ZNF248: variants seen among roughly 807,000 people sequenced by gnomAD.
The protein encoded by ZNF248 is KRAB protein domain.
ZNF248 carries 20 observed loss-of-function variants against 44.3 expected under a neutral mutation model. The observed-to-expected ratio is 0.45, with a 90% confidence interval of 0.32 to 0.66. The LOEUF is 0.66. ZNF248 is among the 30% of genes least tolerant of loss of function. ZNF248 has a pLI of 0.04. For missense variants in ZNF248, 654 were observed against 677.0 expected (o/e 0.97, Z 0.38); for synonymous variants, 224 against 229.0 (o/e 0.98, Z 0.20).
At chr10:37,817,938 C>T (rs886797578) in intron 6 of ZNF248, among the ~76,000 whole-genome samples, 6 of 151,840 alleles carry the variant, frequency 4.0e-5, no homozygotes, top group African/African-American at 9.7e-5. Flanking sequence ...ATTTTTGAGA[C>T]GGAGTGTCAC....
chr10:37,846,749 T>C (rs903186601), intron 3 of ZNF248, among the ~76,000 whole-genome samples: 16 of 152,080 alleles, frequency 1.1e-4, no homozygotes, highest in Non-Finnish European at 1.8e-4. Flanking sequence ...AACATAAGCA[T>C]CAATCAGGAT....
At chr10:37,828,208 T>C (rs2054696908), downstream of ZNF248, among the ~76,000 whole-genome samples, 1 of 152,236 alleles carries the variant, frequency 6.6e-6, no homozygotes, top group South Asian at 2.1e-4. Context: ...TACACACATG[T>C]GAACACACTC....
the ZNF248 span, among the ~76,000 whole-genome samples, chr10:37,768,460 A>T: frequency 6.6e-6 from 1 of 152,366 alleles, no homozygotes; most frequent in East Asian, 1.9e-4. Context: ...ACTCAGGACT[A>T]AGAAACTCAC....
At chr10:37,824,775 C>T (rs1380038795), downstream of ZNF248, among the ~76,000 whole-genome samples, 5 of 143,872 alleles carry the variant, frequency 3.5e-5, no homozygotes, top group Admixed American at 7.2e-5. Context: ...TCCACCTCTC[C>T]GGTTCACACC....
intron 6 of ZNF248, among the ~76,000 whole-genome samples, chr10:37,787,193 C>T (rs192938029): frequency 3.0e-4 from 45 of 152,128 alleles, no homozygotes; most frequent in Non-Finnish European, 3.8e-4. Flanking sequence ...GCAGGAGAAT[C>T]GCCTGAACCT....
rs373107324 is a variant in ZNF248 at position 37,832,729 on chromosome 10, C to T, written c.626G>A (p.Ser209Asn). The change falls in exon 6 of 6, where the codon AGT becomes AAT. Residue 209 changes from serine to asparagine, a missense_variant. Physicochemically the swap from Ser to Asn is conservative, Grantham distance 46 (BLOSUM62 1). Coordinates refer to ENST00000395867, the MANE Select transcript of ZNF248 (RefSeq NM_021045.3). ...INYHQDLSQP[S>N]FGQSFEYSKN... Reference sequence around the variant, plus strand: ...ACTATACTCAAAAGATTGGCCAAAACTTGGCTGACTGAGATCCTGGTGATA... The same window carrying T: ...ACTATACTCAAAAGATTGGCCAAAATTTGGCTGACTGAGATCCTGGTGATA... 1.2e-6 allele frequency: 2 copies of T among 1,613,550 alleles called. No homozygotes were observed. The highest frequency in any genetic ancestry group is 1.7e-6 in the Non-Finnish European group (2 of 1,179,874).
At chr10:37,851,107 C>A (rs2060149499) in intron 3 of ZNF248, among the ~76,000 whole-genome samples, 1 of 151,940 alleles carries the variant, frequency 6.6e-6, no homozygotes, top group South Asian at 2.1e-4. Flanking sequence ...TAAAAAAAAT[C>A]CAATTCTAAA....
intron 6 of ZNF248, among the ~76,000 whole-genome samples, chr10:37,809,464 G>C: frequency 1.3e-5 from 2 of 152,190 alleles, no homozygotes; most frequent in East Asian, 3.9e-4. Flanking sequence ...TTTTAGTAGA[G>C]ACAGGGTTTC....
the ZNF248 span, among the ~76,000 whole-genome samples, chr10:37,770,000 T>A: frequency 4.7e-4 from 72 of 152,246 alleles, no homozygotes; most frequent in Non-Finnish European, 8.4e-4. Context: ...GAGAGCCAAA[T>A]CATGAGTGAA....
chr10:37,788,696 A>G (rs1261298019), intron 6 of ZNF248, among the ~76,000 whole-genome samples: 4 of 152,222 alleles, frequency 2.6e-5, no homozygotes, highest in Non-Finnish European at 5.9e-5. Flanking sequence ...TTAAACATAC[A>G]ATAAGATACC....
chr10:37,775,219 ATAAT>A (rs139833914), downstream of ZNF248, among the ~76,000 whole-genome samples: 9,129 of 152,256 alleles, frequency 0.06, 345 homozygotes, highest in Middle Eastern at 0.095. Context: ...TGATATCTTT[ATAAT>A]TAATATGTTG....
rs1177645878 is a variant in ZNF248 at position 37,829,243 on chromosome 10, C to A, written c.*2372G>T. 1 of 985,472 alleles carries A rather than the reference C, an allele frequency of 1.0e-6. No individual in the cohort carries two copies. Among genetic ancestry groups the A allele is most frequent in the Non-Finnish European group, 1.2e-6 (1 of 829,962 alleles). 61.0% of individuals were successfully genotyped at this position (985,472 alleles called of 1,614,324 possible). A position where few individuals can be genotyped will look rare whatever the true frequency, so the allele number is the denominator to read the frequency against. On this transcript the variant is annotated 3_prime_UTR_variant, in exon 6 of 6. Coordinates refer to ENST00000395867, the MANE Select transcript of ZNF248 (RefSeq NM_021045.3). Reference sequence around the variant, plus strand: ...CAGTTCTTACTGGGCTCTGGTAACACTGTTTCCCTCCTTGCCCTTCAAGGC... The same window carrying A: ...CAGTTCTTACTGGGCTCTGGTAACAATGTTTCCCTCCTTGCCCTTCAAGGC...
chr10:37,856,434 C>G lies in ZNF248; in HGVS notation c.-28+1G>C, dbSNP rs2061305960. On this transcript the variant is annotated splice_donor_variant, in intron 2 of 5. Coordinates refer to ENST00000395867, the MANE Select transcript of ZNF248 (RefSeq NM_021045.3). LOFTEE classifies it low-confidence loss of function (5UTR_SPLICE). ...TACAGGTCCACACACAAGATACTTACGTGTCCATGTGTGGCTCCGATATAT... is the reference window on the plus strand; with the variant it reads ...TACAGGTCCACACACAAGATACTTAGGTGTCCATGTGTGGCTCCGATATAT... 7 of 1,493,760 alleles carry G rather than the reference C, an allele frequency of 4.7e-6. No homozygotes were observed. Among genetic ancestry groups the G allele is most frequent in the Non-Finnish European group, 6.3e-6 (7 of 1,119,128 alleles). 92.5% of individuals were successfully genotyped at this position (1,493,760 alleles called of 1,614,324 possible). A position where few individuals can be genotyped will look rare whatever the true frequency, so the allele number is the denominator to read the frequency against.
downstream of ZNF248, among the ~76,000 whole-genome samples, chr10:37,774,213 T>A (rs1216063052): frequency 6.6e-6 from 1 of 152,210 alleles, no homozygotes; most frequent in Non-Finnish European, 1.5e-5. Context: ...CACTTTGATT[T>A]CAGACTGATC....
chr10:37,802,105 GA>G (rs1237160326), intron 6 of ZNF248, among the ~76,000 whole-genome samples: 4 of 152,140 alleles, frequency 2.6e-5, no homozygotes, highest in Non-Finnish European at 5.9e-5. Context: ...TAGTTTCCCT[GA>G]TGTTGAGTTT....
chr10:37,853,301 G>T (rs1262899046), intron 3 of ZNF248, among the ~76,000 whole-genome samples: 1 of 152,056 alleles, frequency 6.6e-6, no homozygotes, highest in Non-Finnish European at 1.5e-5. Context: ...ACCAACCAGA[G>T]GAAAAAAGAT....
At chr10:37,814,924 T>G (rs185912298) in intron 6 of ZNF248, among the ~76,000 whole-genome samples, 264 of 152,360 alleles carry the variant, frequency 1.7e-3, no homozygotes, top group South Asian at 7.7e-3. Context: ...GGTTTATATT[T>G]ATATATTTCA....
intron 6 of ZNF248, among the ~76,000 whole-genome samples, chr10:37,779,825 T>C (rs1388154720): frequency 1.3e-5 from 2 of 150,198 alleles, no homozygotes; most frequent in African/African-American, 4.9e-5. Flanking sequence ...AGTCTCAGGA[T>C]ACAAAATCAA....
chr10:37,839,558 T>C (rs1308364873), intron 3 of ZNF248, among the ~76,000 whole-genome samples: 1 of 151,814 alleles, frequency 6.6e-6, no homozygotes, highest in East Asian at 1.9e-4. Flanking sequence ...ATGGACATTC[T>C]AGATCTGAAA....
Sources: gnomAD v4.1 joint callset for allele counts (sites outside exome capture counted in the v4.1 genomes callset) on GRCh38, gnomAD v4.1.1 for gene constraint, MANE v1.5 for transcripts, NCBI Gene and HGNC (gene_info 2026-07-23, HGNC 2026-07-21) for gene names.